CARF: variants seen among roughly 807,000 people sequenced by gnomAD.
CARF encodes calcium responsive transcription factor, also known as calcium-responsive transcription factor.
A neutral mutation model predicts 82.0 loss-of-function variants in CARF; 57 were observed. That is an observed-to-expected ratio of 0.70 (90% CI 0.56 to 0.87). CARF has a LOEUF of 0.87. Ranked by LOEUF, CARF falls within the 40% of genes least tolerant of loss-of-function variation. The pLI, the probability that CARF is intolerant of heterozygous loss-of-function variation, is 0.00. For synonymous variants in CARF, 268 were observed against 290.1 expected (o/e 0.92, Z 0.77); for missense variants, 771 against 855.8 (o/e 0.90, Z 1.24).
At chr2:202,931,765 G>A (rs534788055) in intron 3 of CARF, among the ~76,000 whole-genome samples, 20 of 145,350 alleles carry the variant, frequency 1.4e-4, no homozygotes, top group South Asian at 1.0e-3. Flanking sequence ...AATTAATAAC[G>A]TCACCAATAA....
intron 13 of CARF, among the ~76,000 whole-genome samples, chr2:202,976,756 G>A (rs2060047177): frequency 7.3e-6 from 1 of 136,832 alleles, no homozygotes; most frequent in South Asian, 2.2e-4. Flanking sequence ...CTGTCACCCA[G>A]CCAGAGTGCA....
intron 2 of CARF, among the ~76,000 whole-genome samples, chr2:202,918,945 C>A (rs535251941): frequency 2.0e-5 from 3 of 152,130 alleles, no homozygotes; most frequent in Non-Finnish European, 4.4e-5. Context: ...TATTTTTATT[C>A]CATTGGCAAA....
chr2:202,923,837 C>G (rs1691305192), intron 2 of CARF, among the ~76,000 whole-genome samples: 1 of 152,186 alleles, frequency 6.6e-6, no homozygotes, highest in Admixed American at 6.5e-5. Context: ...TAACAGCCAA[C>G]TGATTTTCGA....
chr2:202,973,075 TATAGC>T (rs2059871390), intron 12 of CARF, among the ~76,000 whole-genome samples: 3 of 152,180 alleles, frequency 2.0e-5, no homozygotes, highest in Non-Finnish European at 4.4e-5. Flanking sequence ...GGTGTTTTCT[TATAGC>T]ATTGGAGAAA....
rs578151360 is a variant in CARF, at chr2:202,939,099, G to A, written c.-43-2761G>A. ...GCTGTTCCTCTTTAGAATGTTGCAC[G>A]TTCACTACATTGAGTATGGGTTTCT... On this transcript the variant is annotated intron_variant, in intron 3 of 16. Coordinates refer to ENST00000438828, the MANE Select transcript of CARF (RefSeq NM_024744.17). Among the ~76,000 whole-genome samples, 17 of 152,154 alleles carry A rather than the reference G, an allele frequency of 1.1e-4. 1 individual carries two copies. The East Asian group carries it at 1.9e-3, about 17-fold the overall frequency.
intron 5 of CARF, among the ~76,000 whole-genome samples, chr2:202,950,734 A>C (rs11693326): frequency 1.3e-5 from 2 of 152,158 alleles, no homozygotes; most frequent in African/African-American, 2.4e-5. Context: ...TATATACTTG[A>C]GATACACGTG....
chr2:202,948,971 T>C (rs2058629909), intron 5 of CARF, among the ~76,000 whole-genome samples: 1 of 152,186 alleles, frequency 6.6e-6, no homozygotes, highest in African/African-American at 2.4e-5. Flanking sequence ...TACTATGATG[T>C]TGGCTGTGGG....
At chr2:202,981,821 T>C (rs2060275028) in intron 15 of CARF, 136 bp downstream of exon 15, 1 of 1,024,216 alleles carries the variant, frequency 9.8e-7, no homozygotes, top group Non-Finnish European at 1.4e-6. Flanking sequence ...GTTAATTTCC[T>C]GATCTTTTTG....
rs2059573328 is a variant in CARF at position 202,966,833 on chromosome 2, T to A, written c.833-145T>A. ...ACTTTTAAATTTATATGTTTGTATA[T>A]GTAAGTAAGACTTACTAATGTTTTC... On this transcript the variant is annotated intron_variant, in intron 9 of 16. Coordinates refer to ENST00000438828, the MANE Select transcript of CARF (RefSeq NM_024744.17). 4 of 638,200 alleles carry A rather than the reference T, an allele frequency of 6.3e-6. No individual in the cohort carries two copies. In the South Asian group the frequency reaches 9.5e-5, roughly 15 times the overall value. 39.5% of individuals were successfully genotyped at this position (638,200 alleles called of 1,614,324 possible).
At chr2:202,958,561 A>C (rs543167372) in intron 8 of CARF, among the ~76,000 whole-genome samples, 1 of 152,208 alleles carries the variant, frequency 6.6e-6, no homozygotes, top group Non-Finnish European at 1.5e-5. Flanking sequence ...AAGATGAACC[A>C]CTTCTTTCCC....
Position 202,942,875 on chromosome 2 carries a change from A to C in CARF, c.214A>C (p.Thr72Pro). ...ACCAGGGCCCCTGACTCAGACACAG[A>C]CTCTTTCTGCAGAGCAATTCCATCT... ...NIPGPLTQTQ[T>P]LSAEQFHLVD... Residue 72 changes from threonine (T) to proline (P), a missense_variant, in exon 5 of 17, where the codon ACT becomes CCT. By Grantham distance (38) the Thr-to-Pro change is conservative. Coordinates refer to ENST00000438828, the MANE Select transcript of CARF (RefSeq NM_024744.17). 1 of 1,613,976 alleles carries C rather than the reference A, an allele frequency of 6.2e-7. No individual in the cohort carries two copies. Among genetic ancestry groups the C allele is most frequent in the Non-Finnish European group, 8.5e-7 (1 of 1,180,014 alleles).
intron 8 of CARF, among the ~76,000 whole-genome samples, chr2:202,957,396 A>G (rs1202232523): frequency 6.6e-6 from 1 of 151,874 alleles, no homozygotes; most frequent in African/African-American, 2.4e-5. Flanking sequence ...TTTATTTCCT[A>G]CTTTTCTCAA....
intron 5 of CARF, among the ~76,000 whole-genome samples, chr2:202,943,625 C>CACAT (rs1553560004): frequency 1.6e-5 from 2 of 121,796 alleles, no homozygotes; most frequent in East Asian, 4.1e-4. Flanking sequence ...CACACACACA[C>CACAT]ACACATATTA....
intron 5 of CARF, among the ~76,000 whole-genome samples, chr2:202,951,895 C>T (rs959661865): frequency 4.0e-5 from 6 of 151,110 alleles, no homozygotes; most frequent in Non-Finnish European, 7.4e-5. Flanking sequence ...TATAGTGGCG[C>T]GATCTCGGCT....
intron 9 of CARF, among the ~76,000 whole-genome samples, chr2:202,965,332 G>C (rs2059504271): frequency 6.6e-6 from 1 of 152,108 alleles, no homozygotes; most frequent in Admixed American, 6.6e-5. Flanking sequence ...TCTGTTTGTG[G>C]TGTTCAGATT....
At chr2:202,947,189 A>C (rs114604411) in intron 5 of CARF, among the ~76,000 whole-genome samples, 13,520 of 152,170 alleles carry the variant, frequency 0.089, 734 homozygotes, top group Non-Finnish European at 0.12. Flanking sequence ...ATGTTTATTG[A>C]AGCACTGTTT....
At chr2:202,914,832 G>A (rs1227327704) in intron 1 of CARF, among the ~76,000 whole-genome samples, 7 of 150,284 alleles carry the variant, frequency 4.7e-5, no homozygotes, top group African/African-American at 1.7e-4. Context: ...AGTTTGTGCA[G>A]AGTAAAACAT....
At chr2:202,920,879 T>G (rs2105949967) in intron 2 of CARF, among the ~76,000 whole-genome samples, 1 of 152,340 alleles carries the variant, frequency 6.6e-6, no homozygotes, top group Middle Eastern at 3.4e-3. Context: ...GTAAAAAGTT[T>G]CCTGTTTTAA....
chr2:202,980,801 G>A (rs1268682078), intron 14 of CARF, among the ~76,000 whole-genome samples: 1 of 150,898 alleles, frequency 6.6e-6, no homozygotes, highest in Admixed American at 6.6e-5. Context: ...AAAGTATATT[G>A]GAAGACTTCT....
Sources: allele counts gnomAD v4.1 joint callset (sites outside exome capture counted in the v4.1 genomes callset), GRCh38; gene constraint gnomAD v4.1.1; transcripts MANE v1.5; gene names NCBI Gene and HGNC (gene_info 2026-07-23, HGNC 2026-07-21).